Variants in PCCA observed in about 807,000 individuals in gnomAD.
The protein encoded by PCCA is propionyl-CoA carboxylase subunit alpha, also known as propionyl-CoA carboxylase alpha chain, mitochondrial.
Under a neutral mutation model 101.3 loss-of-function variants are expected in PCCA, and 74 were observed. The ratio of observed to expected loss-of-function variants is 0.73; its 90% CI spans 0.61 to 0.89. PCCA has a LOEUF of 0.89. Ranked by LOEUF, PCCA falls within the 40% of genes least tolerant of loss-of-function variation. The pLI is 0.00. For missense variants in PCCA, 891 were observed against 907.0 expected (o/e 0.98, Z 0.23); for synonymous variants, 294 against 313.6 (o/e 0.94, Z 0.66).
At position 100,340,221 on chromosome 13, in the gene PCCA, A is replaced by C; in HGVS notation, c.1605A>C (p.Ala535=). 1 of 1,609,948 alleles carries C rather than the reference A, an allele frequency of 6.2e-7. No homozygotes were observed. The highest frequency in any genetic ancestry group is 8.5e-7 in the Non-Finnish European group (1 of 1,176,216). ...CAATAGCATCATCATTGTTTGTGGCATTCCAGTTAAGAGCACAACATTTTC... is the reference window on the plus strand; with the variant it reads ...CAATAGCATCATCATTGTTTGTGGCCTTCCAGTTAAGAGCACAACATTTTC... The part of the protein sequence containing the change: ...LLAIASSLFV[A]FQLRAQHFQE... The change falls in exon 18 of 24, where the codon GCA becomes GCC. Residue 535 remains alanine (A), a synonymous_variant. Transcript: ENST00000376285.
chr13:100,327,885 G>T (rs553273303), intron 16 of PCCA, among the ~76,000 whole-genome samples: 41 of 152,206 alleles, frequency 2.7e-4, no homozygotes, highest in African/African-American at 7.5e-4. Flanking sequence ...TAATTGTGTT[G>T]TAAGTGTTCT....
Position 100,089,160 on chromosome 13 carries a change from G to T in PCCA, c.40G>T (p.Ala14Ser). Residue 14 changes from alanine (A) to serine (S), a missense_variant, in exon 1 of 24, where the codon GCC (alanine) becomes TCC (serine). Transcript: ENST00000376285. ...FWVGTAPLVA[A>S]GRRGRWPPQQ... ...GGTCGGGACAGCACCGCTGGTCGCT[G>T]CCGGACGGCGTGGGCGGTGGCCGCC... The T allele has an allele frequency of 6.5e-7, 1 of 1,527,398 alleles. No individual in the cohort carries two copies. The highest frequency in any genetic ancestry group is 8.8e-7 in the Non-Finnish European group (1 of 1,138,936). The allele number at this position is 1,527,398 out of a possible 1,614,324, so 94.6% of individuals were successfully genotyped here.
intron 20 of PCCA, among the ~76,000 whole-genome samples, chr13:100,432,106 C>T (rs994993819): frequency 6.6e-6 from 1 of 151,856 alleles, no homozygotes; most frequent in Non-Finnish European, 1.5e-5. Flanking sequence ...GGCTGGACCC[C>T]TGCACTCCAG....
intron 16 of PCCA, among the ~76,000 whole-genome samples, chr13:100,325,853 T>C (rs907359880): frequency 7.9e-5 from 12 of 152,120 alleles, no homozygotes; most frequent in African/African-American, 2.9e-4. Context: ...TAAAGTTCTT[T>C]TGATATGGAC....
chr13:100,497,347 C>T (rs1053035435), intron 21 of PCCA, among the ~76,000 whole-genome samples: 12 of 152,002 alleles, frequency 7.9e-5, no homozygotes, highest in African/African-American at 2.7e-4. Flanking sequence ...AAAAAGTCAC[C>T]GAATTTGGCT....
chr13:100,107,261 A>T (rs2047890852), intron 2 of PCCA, among the ~76,000 whole-genome samples: 1 of 152,192 alleles, frequency 6.6e-6, no homozygotes, highest in Non-Finnish European at 1.5e-5. Flanking sequence ...TAACAAGCTA[A>T]CTTGTTGTCT....
intron 20 of PCCA, among the ~76,000 whole-genome samples, chr13:100,438,625 G>A (rs1053650668): frequency 4.6e-5 from 7 of 151,760 alleles, no homozygotes; most frequent in African/African-American, 1.7e-4. Flanking sequence ...TGTAGAGCAC[G>A]TACACCCTTT....
At chr13:100,152,871 A>G (rs7140059) in intron 4 of PCCA, among the ~76,000 whole-genome samples, 21,652 of 152,210 alleles carry the variant, frequency 0.14, 1,671 homozygotes, top group Non-Finnish European at 0.18. Flanking sequence ...TAGAGAAAAG[A>G]CTAAAAATGT....
intron 5 of PCCA, 42 bp downstream of exon 5, chr13:100,155,134 T>C (rs1363801193): frequency 3.3e-6 from 4 of 1,227,758 alleles, no homozygotes; most frequent in East Asian, 2.3e-5. Flanking sequence ...GTTTCATATG[T>C]AGTGAGCAGA....
chr13:100,205,780 C>T (rs968527437), intron 6 of PCCA, among the ~76,000 whole-genome samples: 4 of 152,150 alleles, frequency 2.6e-5, no homozygotes, highest in Admixed American at 2.6e-4. Flanking sequence ...TTTAAAGCAG[C>T]ATTTATAATA....
At chr13:100,351,481 T>C (rs545058679) in intron 18 of PCCA, among the ~76,000 whole-genome samples, 1 of 152,300 alleles carries the variant, frequency 6.6e-6, no homozygotes, top group East Asian at 1.9e-4. Flanking sequence ...TTTTTCAGTA[T>C]AATGCTTTTT....
intron 16 of PCCA, among the ~76,000 whole-genome samples, chr13:100,328,037 A>G (rs1288424548): frequency 6.6e-6 from 1 of 152,138 alleles, no homozygotes; most frequent in Non-Finnish European, 1.5e-5. Flanking sequence ...CAGCCTGGGC[A>G]ACAGCAAAAA....
chr13:100,135,559 G>T (rs975459873), intron 4 of PCCA, among the ~76,000 whole-genome samples: 4 of 152,134 alleles, frequency 2.6e-5, no homozygotes, highest in Non-Finnish European at 1.5e-5. Flanking sequence ...GAGTATTTTC[G>T]TAGGTTCCTT....
At chr13:100,456,356 A>T (rs947756857) in intron 21 of PCCA, among the ~76,000 whole-genome samples, 100 of 152,288 alleles carry the variant, frequency 6.6e-4, no homozygotes, top group Non-Finnish European at 1.3e-3. Flanking sequence ...GTGGACTTTT[A>T]TGACTCATTC....
chr13:100,379,076 T>C (rs1008381595), intron 19 of PCCA, among the ~76,000 whole-genome samples: 7 of 152,176 alleles, frequency 4.6e-5, no homozygotes, highest in African/African-American at 1.2e-4. Flanking sequence ...TTTGTTTTCA[T>C]AGGGGAAGAC....
chr13:100,475,420 T>C (rs1463136918), intron 21 of PCCA, among the ~76,000 whole-genome samples: 7 of 152,262 alleles, frequency 4.6e-5, no homozygotes, highest in Non-Finnish European at 1.0e-4. Context: ...TCATACAGTA[T>C]GTCGTCTTTT....
intron 20 of PCCA, among the ~76,000 whole-genome samples, chr13:100,429,746 A>G (rs904983956): frequency 7.9e-5 from 12 of 151,954 alleles, no homozygotes; most frequent in Non-Finnish European, 1.3e-4. Flanking sequence ...AGCTGGGATT[A>G]CAGACACGCA....
At chr13:100,295,892 T>G (rs1266432537) in intron 12 of PCCA, among the ~76,000 whole-genome samples, 1 of 152,216 alleles carries the variant, frequency 6.6e-6, no homozygotes, top group Non-Finnish European at 1.5e-5. Context: ...CCTTTTCCCT[T>G]AAAACTGATT....
At chr13:100,121,406 C>T (rs111454572) in intron 4 of PCCA, among the ~76,000 whole-genome samples, 60 of 151,548 alleles carry the variant, frequency 4.0e-4, no homozygotes, top group African/African-American at 1.0e-3. Flanking sequence ...GTGATCCTCC[C>T]GCTGTGGCCT....
Sources: gnomAD v4.1 joint callset for allele counts (sites outside exome capture counted in the v4.1 genomes callset) on GRCh38, gnomAD v4.1.1 for gene constraint, MANE v1.5 for transcripts, NCBI Gene and HGNC (gene_info 2026-07-23, HGNC 2026-07-21) for gene names.